The following BANK1 variants were observed in gnomAD, a reference collection of about 807,000 sequenced individuals.
The protein encoded by BANK1 is B cell scaffold protein with ankyrin repeats 1, also known as B-cell scaffold protein with ankyrin repeats.
In BANK1, 95 loss-of-function variants were observed where a neutral mutation model predicts 94.5. The observed-to-expected ratio is 1.00, with a 90% CI of 0.85 to 1.19. The LOEUF is 1.19. BANK1 is among the 50% of genes most tolerant of loss of function. The pLI is 0.00. For synonymous variants in BANK1, 334 were observed against 308.4 expected (o/e 1.08, Z -0.87); for missense variants, 987 against 932.2 (o/e 1.06, Z -0.77).
chr4:101,953,442 T>C lies in BANK1; in HGVS notation c.1206+35253T>C, dbSNP rs752869640. On this transcript the variant is annotated intron_variant, in intron 7 of 16. Transcript: ENST00000322953. The stretch of plus-strand genomic sequence containing the variant: ...GCAGAATTGCATGGAGAGAACAGAC[T>C]GTCTTGAAGAAATATGTAGAACAAA... Among the ~76,000 whole-genome samples the C allele has an allele frequency of 3.3e-5, 5 of 152,090 alleles. No homozygotes were observed. In the East Asian group the frequency reaches 9.6e-4, roughly 29 times the overall value.
chr4:101,812,850 G>A (rs2148855179), intron 1 of BANK1, among the ~76,000 whole-genome samples: 1 of 152,076 alleles, frequency 6.6e-6, no homozygotes, highest in East Asian at 1.9e-4. Context: ...GTTACCCAGG[G>A]ACAAAAATAA....
At chr4:102,016,752 C>T (rs1338159694) in intron 7 of BANK1, among the ~76,000 whole-genome samples, 2 of 152,166 alleles carry the variant, frequency 1.3e-5, no homozygotes, top group African/African-American at 2.4e-5. Flanking sequence ...TCTGGTTTTT[C>T]CCTTTGCTTC....
intron 2 of BANK1, among the ~76,000 whole-genome samples, chr4:101,840,190 G>C (rs1458827286): frequency 6.6e-6 from 1 of 150,416 alleles, no homozygotes; most frequent in South Asian, 2.1e-4. Context: ...GGATGGTCTC[G>C]ATCTCCTGAC....
At chr4:101,955,274 G>A (rs1724299443) in intron 7 of BANK1, among the ~76,000 whole-genome samples, 1 of 152,074 alleles carries the variant, frequency 6.6e-6, no homozygotes, top group South Asian at 2.1e-4. Flanking sequence ...TGTATTTACT[G>A]GTGTACTACA....
chr4:101,799,975 T>A (rs1015120065), intron 1 of BANK1, among the ~76,000 whole-genome samples: 31 of 152,240 alleles, frequency 2.0e-4, no homozygotes, highest in African/African-American at 7.5e-4. Context: ...GTTCATGTCC[T>A]TTGTAGGGAC....
At position 101,805,991 on chromosome 4, in the gene BANK1, A is replaced by G. The variant is rs184528525; in HGVS notation, c.70+15041A>G. On this transcript the variant is annotated intron_variant, in intron 1 of 16. Transcript: ENST00000322953. ...TATTTAGTGAACTATAATATCTTCT[A>G]GGGCAAGTAGAGAGAAAAAGTGTGA... 4.9e-4 allele frequency among the ~76,000 whole-genome samples: 74 copies of G among 152,184 alleles called. 2 individuals are homozygous for G. In the East Asian group the frequency reaches 0.013, roughly 27 times the overall value.
chr4:101,791,928 A>G (rs1725001378), intron 1 of BANK1, among the ~76,000 whole-genome samples: 1 of 152,210 alleles, frequency 6.6e-6, no homozygotes, highest in Non-Finnish European at 1.5e-5. Flanking sequence ...TTAATATTTT[A>G]ACTATTGCAT....
chr4:101,919,715 T>A (rs908253699), intron 7 of BANK1, among the ~76,000 whole-genome samples: 1 of 152,030 alleles, frequency 6.6e-6, no homozygotes, highest in Non-Finnish European at 1.5e-5. Context: ...TATTTCTGCC[T>A]GAATGTCTAC....
intron 7 of BANK1, among the ~76,000 whole-genome samples, chr4:101,946,791 A>G (rs566923164): frequency 1.6e-4 from 25 of 152,058 alleles, no homozygotes; most frequent in Non-Finnish European, 3.1e-4. Flanking sequence ...TCTGCCTTAA[A>G]CCTATGGAAT....
intron 1 of BANK1, among the ~76,000 whole-genome samples, chr4:101,796,163 A>G (rs1725148896): frequency 6.6e-6 from 1 of 152,202 alleles, no homozygotes; most frequent in Non-Finnish European, 1.5e-5. Context: ...AACTGTGATG[A>G]AAAAACTGAG....
In BANK1 at chr4:101,918,194, GT is replaced by G. The variant is rs373277833; in HGVS notation, c.1206+15del. The stretch of plus-strand genomic sequence containing the variant: ...AAAATCTTCGAAGACTTTTCAGTAA[GT>G]TTTTTTTTTAAATTATATCTCTGTA... On this transcript the variant is annotated splice_donor_region_variant and intron_variant, in intron 7 of 16. Transcript: ENST00000322953. The G allele has an allele frequency of 2.1e-4, 245 of 1,173,382 alleles. No individual in the cohort carries two copies. In the African/African-American group the frequency reaches 3.2e-3, roughly 15 times the overall value. 72.7% of individuals were successfully genotyped at this position (1,173,382 alleles called of 1,614,324 possible).
intron 7 of BANK1, among the ~76,000 whole-genome samples, chr4:101,988,758 C>A (rs994522520): frequency 4.6e-5 from 7 of 152,068 alleles, no homozygotes; most frequent in Non-Finnish European, 8.8e-5. Flanking sequence ...AATGATCAAG[C>A]CCTTGATTAT....
intron 7 of BANK1, among the ~76,000 whole-genome samples, chr4:102,019,163 A>AT (rs1356988155): frequency 6.6e-6 from 1 of 152,046 alleles, no homozygotes; most frequent in Non-Finnish European, 1.5e-5. Context: ...TATTCTAATA[A>AT]TTTTTTATTT....
At chr4:102,064,653 A>G (rs1227794132) in intron 13 of BANK1, among the ~76,000 whole-genome samples, 1 of 152,262 alleles carries the variant, frequency 6.6e-6, no homozygotes, top group Non-Finnish European at 1.5e-5. Flanking sequence ...TGGAATAAAT[A>G]ATACTACACA....
At position 101,968,348 on chromosome 4, in the gene BANK1, A is replaced by T. The variant is rs540202584; in HGVS notation, c.1206+50159A>T. On this transcript the variant is annotated intron_variant, in intron 7 of 16. Transcript: ENST00000322953. ...TAAACAGCCACAGGACAAAAATGGC[A>T]TATTCAATGTAGGCATAGAAGATAA... Among the ~76,000 whole-genome samples, 182 of 152,264 alleles carry T rather than the reference A, an allele frequency of 1.2e-3. 1 individual carries two copies. Among genetic ancestry groups the T allele is most frequent in the African/African-American group, 3.9e-3 (161 of 41,564 alleles).
chr4:101,902,190 A>G (rs950645733), intron 6 of BANK1, among the ~76,000 whole-genome samples: 1 of 152,224 alleles, frequency 6.6e-6, no homozygotes, highest in African/African-American at 2.4e-5. Context: ...CAAACTTTTG[A>G]CAATAACAGA....
intron 1 of BANK1, among the ~76,000 whole-genome samples, chr4:101,822,073 G>A (rs190982721): frequency 7.9e-5 from 12 of 152,220 alleles, no homozygotes; most frequent in Non-Finnish European, 2.9e-5. Flanking sequence ...AGAAGCACTT[G>A]GCAAGGCGTG....
rs1338757688 is a variant in BANK1, at chr4:102,074,332, G to A, written c.*333G>A. The stretch of plus-strand genomic sequence containing the variant: ...GAGAAGTTAAATGCGGTGTAGCAAA[G>A]TTATGGGGTCTGCTTGAGGGCACTA... On this transcript the variant is annotated 3_prime_UTR_variant, in exon 17 of 17. Coordinates refer to ENST00000322953, the MANE Select transcript of BANK1 (RefSeq NM_017935.5). 6.6e-6 allele frequency: 1 copy of A among 152,096 alleles called. No individual in the cohort carries two copies. Among genetic ancestry groups the A allele is most frequent in the Admixed American group, 6.5e-5 (1 of 15,280 alleles). 9.4% of individuals were successfully genotyped at this position (152,096 alleles called of 1,614,324 possible).
chr4:102,058,085 T>G (rs975585961), intron 11 of BANK1, among the ~76,000 whole-genome samples: 1 of 152,152 alleles, frequency 6.6e-6, no homozygotes. Flanking sequence ...GTGATTTTTA[T>G]TAAGTAAATA....
Sources: gnomAD v4.1 joint callset for allele counts (sites outside exome capture counted in the v4.1 genomes callset) on GRCh38, gnomAD v4.1.1 for gene constraint, MANE v1.5 for transcripts, NCBI Gene and HGNC (gene_info 2026-07-23, HGNC 2026-07-21) for gene names.